The following HOOK1 variants were observed in gnomAD, a reference collection of about 807,000 sequenced individuals.
HOOK1 encodes hook microtubule tethering protein 1.
Under a neutral mutation model 112.8 loss-of-function variants are expected in HOOK1, and 60 were observed. The observed-to-expected ratio is 0.53, with a 90% CI of 0.43 to 0.66. The LOEUF (loss-of-function observed/expected upper bound fraction) is 0.66. Among genes scored for constraint, HOOK1 ranks in the 30% least tolerant of loss-of-function variants. The pLI is 0.00. For missense variants in HOOK1, 770 were observed against 856.0 expected (o/e 0.90, Z 1.25); for synonymous variants, 294 against 283.8 (o/e 1.04, Z -0.36).
At chr1:59,868,896 T>A (rs1644012207) in intron 20 of HOOK1, among the ~76,000 whole-genome samples, 1 of 152,226 alleles carries the variant, frequency 6.6e-6, no homozygotes, top group Non-Finnish European at 1.5e-5. Flanking sequence ...CATGCTCTCA[T>A]CAATTAGCTG....
At chr1:59,832,274 T>G (rs2098394556) in intron 4 of HOOK1, 61 bp downstream of exon 4, 2 of 971,776 alleles carry the variant, frequency 2.1e-6, no homozygotes, top group Non-Finnish European at 1.6e-6. Flanking sequence ...ACTTTAAGAC[T>G]GAAAAATCAC....
intron 9 of HOOK1, among the ~76,000 whole-genome samples, chr1:59,844,799 G>T (rs972249444): frequency 6.6e-6 from 1 of 151,816 alleles, no homozygotes; most frequent in African/African-American, 2.4e-5. Context: ...TTTTACCCAA[G>T]TATTTTGTTT....
chr1:59,830,092 A>G (rs767284395), intron 3 of HOOK1, among the ~76,000 whole-genome samples: 7 of 151,974 alleles, frequency 4.6e-5, no homozygotes, highest in African/African-American at 7.2e-5. Context: ...TTTTACATTT[A>G]TTGAGTCTTA....
At chr1:59,846,609 C>CCT (rs1198805636) in intron 9 of HOOK1, among the ~76,000 whole-genome samples, 3 of 132,540 alleles carry the variant, frequency 2.3e-5, no homozygotes, top group African/African-American at 5.6e-5. Context: ...TCCCTCCCTC[C>CCT]CTCTCTCTCT....
At chr1:59,843,411 G>A (rs542175832) in intron 8 of HOOK1, 21 bp from the exon 9 acceptor site, 6 of 1,554,280 alleles carry the variant, frequency 3.9e-6, no homozygotes, top group East Asian at 4.5e-5. Context: ...TGGTGCTTAT[G>A]TATGTGTATT....
chr1:59,830,890 T>C (rs2098393404), intron 3 of HOOK1, among the ~76,000 whole-genome samples: 1 of 151,874 alleles, frequency 6.6e-6, no homozygotes, highest in Non-Finnish European at 1.5e-5. Context: ...ATGCTGATTT[T>C]TTTTTTTAAG....
intron 6 of HOOK1, among the ~76,000 whole-genome samples, chr1:59,835,685 A>G (rs1301396269): frequency 6.6e-6 from 1 of 152,156 alleles, no homozygotes; most frequent in African/African-American, 2.4e-5. Context: ...ACCAGGGACC[A>G]GTTTTGTGGA....
chr1:59,843,077 A>T (rs1390701140), intron 8 of HOOK1, among the ~76,000 whole-genome samples: 5 of 151,976 alleles, frequency 3.3e-5, no homozygotes, highest in African/African-American at 1.2e-4. Context: ...CATTCTAAAA[A>T]TTAGTTTATA....
At chr1:59,820,155 T>A (rs1323996802) in intron 1 of HOOK1, among the ~76,000 whole-genome samples, 1 of 150,534 alleles carries the variant, frequency 6.6e-6, no homozygotes, top group African/African-American at 2.5e-5. Flanking sequence ...GGAGATTTTC[T>A]TATTTAATAT....
At chr1:59,871,931 A>G (rs1369064733) in intron 21 of HOOK1, among the ~76,000 whole-genome samples, 1 of 152,182 alleles carries the variant, frequency 6.6e-6, no homozygotes, top group Non-Finnish European at 1.5e-5. Context: ...CCTGAAGGAA[A>G]TTATGTGTGA....
At chr1:59,854,364 G>C (rs557048678) in intron 12 of HOOK1, among the ~76,000 whole-genome samples, 3 of 151,860 alleles carry the variant, frequency 2.0e-5, no homozygotes, top group Admixed American at 6.6e-5. Context: ...AAATATATTT[G>C]TGTATATAGT....
rs1214503561 is a variant in HOOK1 at position 59,873,724 on chromosome 1, G to GCT, written c.*760_*761dup. On this transcript the variant is annotated 3_prime_UTR_variant, in exon 22 of 22. Coordinates refer to ENST00000371208, the MANE Select transcript of HOOK1 (RefSeq NM_015888.6). ...TAGGTGACTTTCTGATGGAAAGCAA[G>GCT]CTATATATATATATATATATATATA... The GCT allele has an allele frequency of 2.4e-5, 1 of 41,634 alleles. No homozygotes were observed. The highest frequency in any genetic ancestry group is 4.3e-5 in the Non-Finnish European group (1 of 23,192). 2.6% of individuals were successfully genotyped at this position (41,634 alleles called of 1,614,324 possible). A position where few individuals can be genotyped will look rare whatever the true frequency, so the allele number is the denominator to read the frequency against.
chr1:59,872,012 G>T (rs1485963037), intron 21 of HOOK1, among the ~76,000 whole-genome samples: 1 of 152,148 alleles, frequency 6.6e-6, no homozygotes, highest in Non-Finnish European at 1.5e-5. Flanking sequence ...TTATTTATTT[G>T]TTCTTCCATG....
chr1:59,845,156 A>C (rs2102038388), intron 9 of HOOK1, among the ~76,000 whole-genome samples: 1 of 152,050 alleles, frequency 6.6e-6, no homozygotes, highest in South Asian at 2.1e-4. Context: ...CTCTGCCTCC[A>C]AGATGGCTTC....
intron 15 of HOOK1, among the ~76,000 whole-genome samples, chr1:59,862,385 T>A (rs1043942587): frequency 2.6e-5 from 4 of 152,136 alleles, no homozygotes; most frequent in Non-Finnish European, 4.4e-5. Flanking sequence ...GATTGGAAAA[T>A]GGTGACCTTC....
chr1:59,830,927 A>G (rs1190915618), intron 3 of HOOK1, among the ~76,000 whole-genome samples: 2 of 149,136 alleles, frequency 1.3e-5, no homozygotes, highest in Non-Finnish European at 3.0e-5. Flanking sequence ...CTGAGACAGA[A>G]TTTCGCTCTT....
At chr1:59,851,992 C>T (rs1327081966) in intron 12 of HOOK1, among the ~76,000 whole-genome samples, 4 of 151,300 alleles carry the variant, frequency 2.6e-5, no homozygotes, top group African/African-American at 9.7e-5. Flanking sequence ...CATGTTAAAC[C>T]GATCTTGCAT....
chr1:59,865,087 G>T, intron 17 of HOOK1, 76 bp from the exon 18 acceptor site: 1 of 856,450 alleles, frequency 1.2e-6, no homozygotes, highest in South Asian at 1.4e-5. Context: ...GGAACCAAGG[G>T]TCAGAAAGCA....
At chr1:59,853,577 A>G (rs932274103) in intron 12 of HOOK1, among the ~76,000 whole-genome samples, 1 of 152,092 alleles carries the variant, frequency 6.6e-6, no homozygotes, top group Middle Eastern at 3.4e-3. Context: ...TTTGGAATCC[A>G]TTTACATTTA....
Sources: allele counts gnomAD v4.1 joint callset (sites outside exome capture counted in the v4.1 genomes callset), GRCh38; gene constraint gnomAD v4.1.1; transcripts MANE v1.5; gene names NCBI Gene and HGNC (gene_info 2026-07-23, HGNC 2026-07-21).